Variants in FOXP1 observed in about 807,000 individuals in gnomAD.
FOXP1 encodes the protein forkhead box protein P1.
Under a neutral mutation model 98.2 loss-of-function variants are expected in FOXP1, and 15 were observed. That is an observed-to-expected ratio of 0.15 (90% CI 0.10 to 0.24). The LOEUF is 0.24. FOXP1 is among the 10% of genes least tolerant of loss of function. The probability of loss-of-function intolerance (pLI) is 1.00; values close to 1 mark genes in which losing one functional copy is unlikely to be tolerated. For synonymous variants in FOXP1, 371 were observed against 314.5 expected (o/e 1.18, Z -1.90); for missense variants, 633 against 848.5 (o/e 0.75, Z 3.15).
chr3:71,182,031 T>C (rs1293153168), intron 6 of FOXP1, among the ~76,000 whole-genome samples: 4 of 115,538 alleles, frequency 3.5e-5, no homozygotes, highest in Non-Finnish European at 6.9e-5. Context: ...CGAGACTCCA[T>C]CTCAAAAAAA....
In FOXP1 at chr3:71,491,602, C is replaced by T. The variant is rs929543585; in HGVS notation, c.-168+1824G>A. ...GACAGAAGTAATACTGTAGGGAAGACAGGAGGCTGGATTTTTTTTTTCTCT... is the reference window on the plus strand; with the variant it reads ...GACAGAAGTAATACTGTAGGGAAGATAGGAGGCTGGATTTTTTTTTTCTCT... On this transcript the variant is annotated intron_variant, in intron 3 of 20. Coordinates refer to ENST00000649528, the MANE Select transcript of FOXP1 (RefSeq NM_001349338.3). Among the ~76,000 whole-genome samples, 3 of 152,264 alleles carry T rather than the reference C, an allele frequency of 2.0e-5. No homozygotes were observed. The East Asian group carries it at 5.8e-4, about 29-fold the overall frequency.
At chr3:70,984,878 A>C (rs1327327003) in intron 14 of FOXP1, among the ~76,000 whole-genome samples, 1 of 152,188 alleles carries the variant, frequency 6.6e-6, no homozygotes, top group African/African-American at 2.4e-5. Flanking sequence ...AAATCTGATG[A>C]GTCCCACAAT....
Position 71,236,492 on chromosome 3 carries a change from G to C in FOXP1, c.-11-38100C>G, listed in dbSNP as rs530888457. On this transcript the variant is annotated intron_variant, in intron 5 of 20. Coordinates refer to ENST00000649528, the MANE Select transcript of FOXP1 (RefSeq NM_001349338.3). Reference sequence around the variant, plus strand: ...ACAGAGATATCATGTAGATTCTAGAGCTTCATTGTCCCACAGGCATATAAT... The same window carrying C: ...ACAGAGATATCATGTAGATTCTAGACCTTCATTGTCCCACAGGCATATAAT... Among the ~76,000 whole-genome samples the C allele has an allele frequency of 2.6e-5, 4 of 152,294 alleles. No individual in the cohort carries two copies. In the South Asian group the frequency reaches 8.3e-4, roughly 32 times the overall value.
chr3:71,113,605 T>C (rs2058111813), intron 6 of FOXP1, among the ~76,000 whole-genome samples: 1 of 151,758 alleles, frequency 6.6e-6, no homozygotes, highest in Non-Finnish European at 1.5e-5. Flanking sequence ...CCCAGCTTCT[T>C]GGGAGGCTGA....
chr3:71,098,720 T>C (rs889083498), intron 7 of FOXP1, among the ~76,000 whole-genome samples: 11 of 152,184 alleles, frequency 7.2e-5, no homozygotes, highest in African/African-American at 2.4e-4. Context: ...GTGCGGAATG[T>C]CACAGCATCA....
upstream of FOXP1, chr3:71,583,970 G>C: frequency 4.1e-6 from 4 of 966,750 alleles, no homozygotes; most frequent in Non-Finnish European, 4.9e-6. Context: ...CGTTCGCCGG[G>C]GCGCTGGCGC....
chr3:71,335,106 A>C (rs1402819891), intron 4 of FOXP1: 1 of 152,072 alleles, frequency 6.6e-6, no homozygotes, highest in Non-Finnish European at 1.5e-5. Context: ...CAAAAAAATT[A>C]AATTAAATTA....
intron 7 of FOXP1, among the ~76,000 whole-genome samples, chr3:71,068,208 C>CAGCT (rs1372464859): frequency 6.6e-6 from 1 of 152,150 alleles, no homozygotes; most frequent in African/African-American, 2.4e-5. Context: ...GTCCATTGTG[C>CAGCT]AGCTGGCTGT....
At chr3:71,309,727 T>C (rs1041292081) in intron 4 of FOXP1, among the ~76,000 whole-genome samples, 1 of 152,204 alleles carries the variant, frequency 6.6e-6, no homozygotes, top group Non-Finnish European at 1.5e-5. Context: ...CTTTTGAATT[T>C]TCCCCACTTC....
At chr3:71,123,070 G>C (rs889880956) in intron 6 of FOXP1, among the ~76,000 whole-genome samples, 4 of 151,974 alleles carry the variant, frequency 2.6e-5, no homozygotes, top group Admixed American at 6.6e-5. Context: ...AGGACTCTGT[G>C]AGCCATAACC....
intron 7 of FOXP1, among the ~76,000 whole-genome samples, chr3:71,067,763 C>CACACAA (rs374096871): frequency 1.4e-3 from 211 of 149,892 alleles, no homozygotes; most frequent in African/African-American, 5.2e-3. Flanking sequence ...CACACACACA[C>CACACAA]AATTAGCCAC....
rs185274724 is a variant in FOXP1, at chr3:71,106,928, G to A, written c.282+5608C>T. On this transcript the variant is annotated intron_variant, in intron 7 of 20. Transcript: ENST00000649528. ...AGCTGGGACTACAGGCACCGGGCCC[G>A]GCTAATATTTTTGTATTATTCACAG... Among the ~76,000 whole-genome samples the A allele has an allele frequency of 3.2e-3, 478 of 151,698 alleles. 1 individual carries two copies. Among genetic ancestry groups the A allele is most frequent in the African/African-American group, 0.011 (455 of 41,340 alleles).
chr3:70,980,346 C>T (rs929905247), intron 14 of FOXP1, among the ~76,000 whole-genome samples: 1 of 152,184 alleles, frequency 6.6e-6, no homozygotes, highest in Non-Finnish European at 1.5e-5. Flanking sequence ...AATTCAGACG[C>T]TGCTAAGCCT....
intron 6 of FOXP1, among the ~76,000 whole-genome samples, chr3:71,147,875 CATAA>C (rs2060386881): frequency 6.6e-6 from 1 of 151,964 alleles, no homozygotes. Flanking sequence ...ATTTAGGAAC[CATAA>C]AGAAAACACT....
rs117798874 is a variant in FOXP1 at position 71,420,343 on chromosome 3, G to C, written c.-167-61099C>G. ...CCACACAAAGAGTGACATGGAAGGTGATGAGACTAATATTAGGGCAAGTAG... is the reference window on the plus strand; with the variant it reads ...CCACACAAAGAGTGACATGGAAGGTCATGAGACTAATATTAGGGCAAGTAG... On this transcript the variant is annotated intron_variant, in intron 3 of 20. Coordinates refer to ENST00000649528, the MANE Select transcript of FOXP1 (RefSeq NM_001349338.3). Among the ~76,000 whole-genome samples, 32 of 152,274 alleles carry C rather than the reference G, an allele frequency of 2.1e-4. No homozygotes were observed. The East Asian group carries it at 5.8e-3, about 28-fold the overall frequency.
chr3:71,503,848 G>C (rs1187042273), intron 2 of FOXP1, among the ~76,000 whole-genome samples: 2 of 152,104 alleles, frequency 1.3e-5, no homozygotes, highest in African/African-American at 4.8e-5. Flanking sequence ...ACATGCTCTG[G>C]GGACATGCTC....
At chr3:71,366,633 T>G (rs574960318) in intron 3 of FOXP1, among the ~76,000 whole-genome samples, 1 of 152,242 alleles carries the variant, frequency 6.6e-6, no homozygotes, top group Non-Finnish European at 1.5e-5. Context: ...AACAATGGTT[T>G]TGACTTTAAA....
intron 4 of FOXP1, among the ~76,000 whole-genome samples, chr3:71,322,668 G>A (rs535903968): frequency 2.5e-4 from 38 of 152,244 alleles, no homozygotes; most frequent in Admixed American, 7.8e-4. Context: ...CTTGGTGACC[G>A]GCATGGAATT....
chr3:71,362,551 C>A (rs906255177), intron 3 of FOXP1, among the ~76,000 whole-genome samples: 1 of 152,158 alleles, frequency 6.6e-6, no homozygotes, highest in Non-Finnish European at 1.5e-5. Flanking sequence ...CTCTTTGCAG[C>A]CTCAATCTCC....
Sources: allele counts gnomAD v4.1 joint callset (sites outside exome capture counted in the v4.1 genomes callset), GRCh38; gene constraint gnomAD v4.1.1; transcripts MANE v1.5; gene names NCBI Gene and HGNC (gene_info 2026-07-23, HGNC 2026-07-21).